The following ABLIM3 variants were observed in gnomAD, a reference collection of about 807,000 sequenced individuals.
The protein encoded by ABLIM3 is actin binding LIM protein family member 3.
ABLIM3 carries 61 observed loss-of-function variants against 109.5 expected under a neutral mutation model. That is an observed-to-expected ratio of 0.56 (90% CI 0.45 to 0.69). The LOEUF (loss-of-function observed/expected upper bound fraction) is 0.69. Among genes scored for constraint, ABLIM3 ranks in the 30% least tolerant of loss-of-function variants. ABLIM3 has a pLI of 0.00. For synonymous variants in ABLIM3, 300 were observed against 324.8 expected (o/e 0.92, Z 0.82); for missense variants, 796 against 889.5 (o/e 0.89, Z 1.34).
rs1757585316 is a variant in ABLIM3, at chr5:149,192,604, G to A, written c.152-5615G>A. 2.2e-5 allele frequency among the ~76,000 whole-genome samples: 3 copies of A among 135,370 alleles called. No individual in the cohort carries two copies. The South Asian group carries it at 7.0e-4, about 31-fold the overall frequency. 88.8% of individuals were successfully genotyped at this position (135,370 alleles called of 152,430 possible). ...TCGGCCACTGCACTCCAGCCTGGGTGACAGAGCGAGACTCCGTCTCAAAAA... is the reference window on the plus strand; with the variant it reads ...TCGGCCACTGCACTCCAGCCTGGGTAACAGAGCGAGACTCCGTCTCAAAAA... On this transcript the variant is annotated intron_variant, in intron 3 of 23. Coordinates refer to ENST00000309868, the MANE Select transcript of ABLIM3 (RefSeq NM_014945.5).
intron 9 of ABLIM3, among the ~76,000 whole-genome samples, 165 bp downstream of exon 9, chr5:149,230,872 G>T (rs1282269952): frequency 6.6e-6 from 1 of 152,138 alleles, no homozygotes; most frequent in East Asian, 1.9e-4. Flanking sequence ...TGCCCCATGG[G>T]GTTTTTGAGG....
intron 7 of ABLIM3, chr5:149,216,569 G>A (rs144585764): frequency 1.8e-4 from 31 of 176,046 alleles, no homozygotes; most frequent in African/African-American, 5.9e-4. Context: ...CCAAGTTCAT[G>A]TACCACTTAA....
chr5:149,146,789 A>C (rs549833715), intron 2 of ABLIM3, among the ~76,000 whole-genome samples: 2 of 152,152 alleles, frequency 1.3e-5, no homozygotes, highest in South Asian at 2.1e-4. Flanking sequence ...GATTGTTTTG[A>C]TAATTTGGGC....
chr5:149,244,668 C>A (rs909614843), intron 15 of ABLIM3: 48 of 595,634 alleles, frequency 8.1e-5, no homozygotes, highest in Non-Finnish European at 1.3e-4. Context: ...GCCCCTTCCC[C>A]TCTCTGGTGC....
chr5:149,253,271 G>A (rs1754113886), intron 23 of ABLIM3, among the ~76,000 whole-genome samples: 1 of 152,188 alleles, frequency 6.6e-6, no homozygotes, highest in Admixed American at 6.5e-5. Context: ...CTTGTGATGG[G>A]GGACAGGGGG....
Position 149,259,003 on chromosome 5 carries a change from C to T in ABLIM3, c.*599C>T. 11 of 998,056 alleles carry T rather than the reference C, an allele frequency of 1.1e-5. No homozygotes were observed. The highest frequency in any genetic ancestry group is 4.4e-5 in the South Asian group (1 of 22,508). 61.8% of individuals were successfully genotyped at this position (998,056 alleles called of 1,614,324 possible). A position where few individuals can be genotyped will look rare whatever the true frequency, so the allele number is the denominator to read the frequency against. On this transcript the variant is annotated 3_prime_UTR_variant, in exon 24 of 24. Coordinates refer to ENST00000309868, the MANE Select transcript of ABLIM3 (RefSeq NM_014945.5). The stretch of plus-strand genomic sequence containing the variant: ...AGTGGACAGGGCCTAGGCCTCTCCT[C>T]AGCTCCTTAACCCTCCTCCTTCTGC...
chr5:149,240,120 C>T (rs943923596), intron 13 of ABLIM3, among the ~76,000 whole-genome samples: 1 of 152,218 alleles, frequency 6.6e-6, no homozygotes, highest in Non-Finnish European at 1.5e-5. Context: ...GGGTGGTGAA[C>T]TTCCAGGAGA....
chr5:149,155,922 G>A (rs912427966), intron 2 of ABLIM3, among the ~76,000 whole-genome samples: 2 of 152,222 alleles, frequency 1.3e-5, no homozygotes, highest in African/African-American at 4.8e-5. Context: ...GCCCAGTAGT[G>A]ACCTGCCCAG....
intron 2 of ABLIM3, among the ~76,000 whole-genome samples, chr5:149,182,743 A>T (rs1172476716): frequency 6.6e-6 from 1 of 152,126 alleles, no homozygotes; most frequent in Non-Finnish European, 1.5e-5. Flanking sequence ...AATGCTGGCC[A>T]CTCACCTGCA....
At chr5:149,231,256 C>A (rs537288636) in intron 9 of ABLIM3, among the ~76,000 whole-genome samples, 10 of 152,328 alleles carry the variant, frequency 6.6e-5, no homozygotes, top group Admixed American at 2.0e-4. Flanking sequence ...GCTGGGCCAG[C>A]TGAGGTCCTG....
chr5:149,145,403 C>T (rs1388375551), intron 2 of ABLIM3, among the ~76,000 whole-genome samples: 1 of 152,046 alleles, frequency 6.6e-6, no homozygotes, highest in African/African-American at 2.4e-5. Context: ...TGATAAACAC[C>T]TAGGTTGATT....
Position 149,258,352 on chromosome 5 carries a change from G to A in ABLIM3, c.2000G>A (p.Arg667Gln), listed in dbSNP as rs777551603. ...VFGMTISEFD[R>Q]LALWKRNELK... is the part of the protein sequence containing the mutation. ...GGCATGACCATCTCTGAGTTTGACC[G>A]GCTGGCCCTCTGGAAGAGGAATGAA... Residue 667 changes from arginine to glutamine, a missense_variant, in exon 24 of 24, where the codon CGG (arginine) becomes CAG (glutamine). Arg to Gln is a conservative substitution (Grantham distance 43, BLOSUM62 1). Coordinates refer to ENST00000309868, the MANE Select transcript of ABLIM3 (RefSeq NM_014945.5). 2.2e-5 allele frequency: 35 copies of A among 1,613,638 alleles called. No individual in the cohort carries two copies. The highest frequency in any genetic ancestry group is 2.0e-4 in the South Asian group (18 of 91,066).
At chr5:149,143,962 A>G (rs1752707499) in intron 2 of ABLIM3, among the ~76,000 whole-genome samples, 1 of 152,232 alleles carries the variant, frequency 6.6e-6, no homozygotes, top group South Asian at 2.1e-4. Flanking sequence ...AAGAAAAGAA[A>G]CAGGCAACTG....
intron 16 of ABLIM3, 130 bp downstream of exon 16, chr5:149,245,145 G>A (rs1342743650): frequency 1.6e-6 from 2 of 1,274,324 alleles, no homozygotes; most frequent in Non-Finnish European, 1.1e-6. Context: ...TATAACTAAG[G>A]GTGTTTATTC....
At chr5:149,185,194 A>C (rs10875646) in intron 3 of ABLIM3, among the ~76,000 whole-genome samples, 65,054 of 151,992 alleles carry the variant, frequency 0.43, 14,661 homozygotes, top group East Asian at 0.68. Flanking sequence ...GTTGGCTGGG[A>C]AGTGTTTCCC....
chr5:149,181,815 C>T (rs1235005798), intron 2 of ABLIM3, among the ~76,000 whole-genome samples: 1 of 152,206 alleles, frequency 6.6e-6, no homozygotes, highest in African/African-American at 2.4e-5. Flanking sequence ...GCTACAGTCT[C>T]AGAGGCTATG....
chr5:149,217,240 A>G (rs1760189887), intron 8 of ABLIM3, 194 bp downstream of exon 8: 1 of 610,256 alleles, frequency 1.6e-6, no homozygotes. Context: ...ATATGAAGTG[A>G]CATGTAATCT....
rs368440679 is a variant in ABLIM3, at chr5:149,239,792, C to T, written c.1108C>T (p.Arg370Trp). 8.8e-5 allele frequency: 142 copies of T among 1,607,910 alleles called. No individual in the cohort carries two copies. The highest frequency in any genetic ancestry group is 1.6e-4 in the Middle Eastern group (1 of 6,072). ...IYENLDLRQRRASSPGYIDSP... is the reference protein window; with the variant it reads ...IYENLDLRQRWASSPGYIDSP... ...CGAGAACCTGGACCTCCGGCAGAGA[C>T]GGGCCTCCAGCCCGGGGTACATAGA... is the stretch of plus-strand genomic sequence containing the variant. Residue 370 changes from arginine (R) to tryptophan (W), a missense_variant, in exon 13 of 24, where the codon CGG (arginine) becomes TGG (tryptophan). Coordinates refer to ENST00000309868, the MANE Select transcript of ABLIM3 (RefSeq NM_014945.5).
At chr5:149,234,086 A>G (rs1322364087) in intron 10 of ABLIM3, among the ~76,000 whole-genome samples, 1 of 152,250 alleles carries the variant, frequency 6.6e-6, no homozygotes, top group Non-Finnish European at 1.5e-5. Context: ...ACATAGTGCC[A>G]TGAATCATCA....
Sources: gnomAD v4.1 joint callset for allele counts (sites outside exome capture counted in the v4.1 genomes callset) on GRCh38, gnomAD v4.1.1 for gene constraint, MANE v1.5 for transcripts, NCBI Gene and HGNC (gene_info 2026-07-23, HGNC 2026-07-21) for gene names.